The following TREML1 variants were observed in gnomAD, a reference collection of about 807,000 sequenced individuals.
TREML1 encodes trem-like transcript 1 protein.
A neutral mutation model predicts 22.8 loss-of-function variants in TREML1; 27 were observed. The ratio of observed to expected loss-of-function variants is 1.19; its 90% confidence interval spans 0.87 to 1.64. The LOEUF (loss-of-function observed/expected upper bound fraction) is 1.64. Ranked by LOEUF, TREML1 falls within the 40% of genes most tolerant of loss-of-function variation. TREML1 has a pLI of 0.00. For missense variants in TREML1, 356 were observed against 382.0 expected (o/e 0.93, Z 0.57); for synonymous variants, 153 against 161.9 (o/e 0.94, Z 0.42).
rs181583933 is a variant in TREML1 at position 41,149,697 on chromosome 6, A to G, written c.843T>C (p.Tyr281=). The G allele has an allele frequency of 1.1e-5, 18 of 1,614,204 alleles. No homozygotes were observed. In the Admixed American group the frequency reaches 1.3e-4, roughly 12 times the overall value. Residue 281 remains tyrosine, a synonymous_variant, in exon 6 of 6, where the codon TAT becomes TAC. Transcript: ENST00000426005. ...TCCCTCCCGGGAAGATTACTGTGGC[A>G]TATGTCACAGGCTTGGAGCAGACCA... The part of the protein sequence containing the change: ...KVLVCSKPVT[Y]ATVIFPGGNK...
chr6:41,151,251 C>T lies in TREML1; in HGVS notation c.479+31G>A. The T allele has an allele frequency of 1.9e-6, 3 of 1,591,662 alleles. No homozygotes were observed. The South Asian group carries it at 3.3e-5, about 18-fold the overall frequency. On this transcript the variant is annotated intron_variant, in intron 3 of 5. Transcript: ENST00000426005. ...TCATTGTCTCCACCACCACCCTTCTCCTGGCCTCCCAAATCCAATCCTGTC... is the reference window on the plus strand; with the variant it reads ...TCATTGTCTCCACCACCACCCTTCTTCTGGCCTCCCAAATCCAATCCTGTC...
intron 5 of TREML1, 72 bp from the exon 6 acceptor site, chr6:41,149,990 C>G: frequency 7.0e-7 from 1 of 1,425,378 alleles, no homozygotes; most frequent in East Asian, 2.3e-5. Context: ...AAGCCCAGGA[C>G]CACACTAGAT....
At chr6:41,155,201 A>G (rs1325868778), upstream of TREML1, among the ~76,000 whole-genome samples, 3 of 152,170 alleles carry the variant, frequency 2.0e-5, no homozygotes, top group Non-Finnish European at 2.9e-5. Flanking sequence ...TTGGAAGACA[A>G]TTCTTCACAA....
At chr6:41,150,026 A>T in intron 5 of TREML1, 108 bp from the exon 6 acceptor site, 1 of 1,137,792 alleles carries the variant, frequency 8.8e-7, no homozygotes, top group Non-Finnish European at 1.2e-6. Context: ...TGAGTATATC[A>T]GTGGGCAAGA....
chr6:41,151,445 G>T, intron 2 of TREML1, 61 bp from the exon 3 acceptor site: 6 of 1,435,290 alleles, frequency 4.2e-6, no homozygotes, highest in South Asian at 3.5e-5. Flanking sequence ...CATATGGGCA[G>T]GCTTCAATAT....
chr6:41,151,254 G>A, intron 3 of TREML1, 28 bp downstream of exon 3: 4 of 1,593,786 alleles, frequency 2.5e-6, no homozygotes, highest in South Asian at 1.1e-5. Context: ...CCCTTCTCCT[G>A]GCCTCCCAAA....
At chr6:41,152,560 C>T (rs528645409) in intron 2 of TREML1, among the ~76,000 whole-genome samples, 1 of 152,210 alleles carries the variant, frequency 6.6e-6, no homozygotes, top group East Asian at 1.9e-4. Flanking sequence ...AGTCTACCCT[C>T]TTATTTAGAG....
chr6:41,150,414 T>C, intron 4 of TREML1, 101 bp from the exon 5 acceptor site: 1 of 1,117,606 alleles, frequency 8.9e-7, no homozygotes, highest in East Asian at 2.5e-5. Flanking sequence ...TCTTCACTAC[T>C]GCAGACTCAC....
In TREML1 at chr6:41,153,818, C is replaced by G. The variant is rs1765344394; in HGVS notation, c.316G>C (p.Val106Leu). The G allele has an allele frequency of 6.2e-7, 1 of 1,614,014 alleles. No individual in the cohort carries two copies. Residue 106 changes from valine (V) to leucine (L), a missense_variant, in exon 2 of 6, where the codon GTG (valine) becomes CTG (leucine). Physicochemically the swap from Val to Leu is conservative, Grantham distance 32. Coordinates refer to ENST00000426005, the MANE Select transcript of TREML1 (RefSeq NM_178174.4). ...ATCTGGGGCCCCCTGGCCCCATCCA[C>G]CATGCAGCCATACTCGCCAGCATCC... The part of the protein sequence containing the change: ...EEDAGEYGCM[V>L]DGARGPQILH...
In TREML1 at chr6:41,154,309, A is replaced by G; in HGVS notation, c.-21T>C. ...CCCATGGCTGGGCAGAGAAATGTCA[A>G]CTCCTGGGCTTGCCTGGGCACTGAT... On this transcript the variant is annotated 5_prime_UTR_variant, in exon 1 of 6. Coordinates refer to ENST00000426005, the MANE Select transcript of TREML1 (RefSeq NM_178174.4). 2 of 1,612,344 alleles carry G rather than the reference A, an allele frequency of 1.2e-6. No homozygotes were observed. The highest frequency in any genetic ancestry group is 2.2e-5 in the East Asian group (1 of 44,830).
chr6:41,151,166 C>G (rs1285411298), intron 3 of TREML1, 116 bp downstream of exon 3: 1 of 953,888 alleles, frequency 1.0e-6, no homozygotes, highest in African/African-American at 1.6e-5. Flanking sequence ...CCAGAAGTTC[C>G]CCAGAGGTGG....
upstream of TREML1, among the ~76,000 whole-genome samples, chr6:41,155,341 T>A (rs2113873112): frequency 6.7e-6 from 1 of 148,212 alleles, no homozygotes; most frequent in East Asian, 2.0e-4. Context: ...TTCTTCCTCT[T>A]CTTCACCGGA....
chr6:41,154,240 C>T lies in TREML1; in HGVS notation c.43+6G>A, dbSNP rs1195427460. 5 of 1,613,738 alleles carry T rather than the reference C, an allele frequency of 3.1e-6. No homozygotes were observed. The highest frequency in any genetic ancestry group is 4.5e-5 in the East Asian group (2 of 44,876). ...GCCCAGAGCTGCAGCTCCTCCTGAACCTTACCTTCTAGTCCCAGGAGCAGC... is the reference window on the plus strand; with the variant it reads ...GCCCAGAGCTGCAGCTCCTCCTGAATCTTACCTTCTAGTCCCAGGAGCAGC... On this transcript the variant is annotated splice_donor_region_variant and intron_variant, in intron 1 of 5. Coordinates refer to ENST00000426005, the MANE Select transcript of TREML1 (RefSeq NM_178174.4).
intron 2 of TREML1, among the ~76,000 whole-genome samples, chr6:41,151,785 G>A (rs1260333379): frequency 6.6e-6 from 1 of 152,182 alleles, no homozygotes; most frequent in Non-Finnish European, 1.5e-5. Context: ...GGTTTCTGCA[G>A]TTCTCATCCT....
At chr6:41,150,019 G>T in intron 5 of TREML1, 101 bp from the exon 6 acceptor site, 1 of 1,207,200 alleles carries the variant, frequency 8.3e-7, no homozygotes, top group Non-Finnish European at 1.2e-6. Context: ...TGAATCCTGA[G>T]TATATCAGTG....
Position 41,149,346 on chromosome 6 carries a change from C to A in TREML1, c.*258G>T. The A allele has an allele frequency of 2.5e-6, 1 of 392,158 alleles. No individual in the cohort carries two copies. The allele number at this position is 392,158 out of a possible 1,614,324, so 24.3% of individuals were successfully genotyped here. A position where few individuals can be genotyped will look rare whatever the true frequency, so the allele number is the denominator to read the frequency against. ...TTCCCATTCAGCCATTAAGAGTTTG[C>A]ACATCATTATTAGGGTTTATTTAGC... is the stretch of plus-strand genomic sequence containing the variant. On this transcript the variant is annotated 3_prime_UTR_variant, in exon 6 of 6. Coordinates refer to ENST00000426005, the MANE Select transcript of TREML1 (RefSeq NM_178174.4).
intron 5 of TREML1, 55 bp downstream of exon 5, chr6:41,150,206 T>G: frequency 9.2e-5 from 146 of 1,579,620 alleles, no homozygotes; most frequent in Non-Finnish European, 1.2e-4. Flanking sequence ...TCTCAGTGAG[T>G]GAGATGAATG....
chr6:41,150,979 G>A, intron 3 of TREML1, 72 bp from the exon 4 acceptor site: 2 of 1,318,382 alleles, frequency 1.5e-6, no homozygotes, highest in Non-Finnish European at 2.2e-6. Flanking sequence ...GAGCCCTGGA[G>A]CAGTGACAGA....
chr6:41,152,980 T>C (rs555583319), intron 2 of TREML1, among the ~76,000 whole-genome samples: 5 of 151,876 alleles, frequency 3.3e-5, no homozygotes, highest in African/African-American at 1.2e-4. Flanking sequence ...AAATGGCCAG[T>C]ATCCATAAAA....
Sources: gnomAD v4.1 joint callset for allele counts (sites outside exome capture counted in the v4.1 genomes callset) on GRCh38, gnomAD v4.1.1 for gene constraint, MANE v1.5 for transcripts, NCBI Gene and HGNC (gene_info 2026-07-23, HGNC 2026-07-21) for gene names.